Variants in CDH18 observed in about 807,000 individuals in gnomAD.
CDH18 encodes the protein cadherin 18.
Under a neutral mutation model 67.9 loss-of-function variants are expected in CDH18, and 31 were observed. That is an observed-to-expected ratio of 0.46 (90% confidence interval 0.34 to 0.62). The LOEUF is 0.62. Among genes scored for constraint, CDH18 ranks in the 20% least tolerant of loss-of-function variants. The pLI is 0.01. For missense variants in CDH18, 890 were observed against 975.5 expected (o/e 0.91, Z 1.17); for synonymous variants, 362 against 347.2 (o/e 1.04, Z -0.48).
intron 1 of CDH18, among the ~76,000 whole-genome samples, chr5:20,478,415 A>G (rs1287721791): frequency 6.6e-6 from 1 of 152,160 alleles, no homozygotes; most frequent in Admixed American, 6.5e-5. Flanking sequence ...ATTCATCACA[A>G]GCTGAATAAA....
At chr5:19,506,973 C>A (rs572031232) in intron 10 of CDH18, among the ~76,000 whole-genome samples, 1 of 152,146 alleles carries the variant, frequency 6.6e-6, no homozygotes, top group Non-Finnish European at 1.5e-5. Flanking sequence ...AGGCAACCTA[C>A]AGAATGGGAG....
At chr5:19,473,931 T>G (rs553604096) in intron 12 of CDH18, among the ~76,000 whole-genome samples, 1 of 152,108 alleles carries the variant, frequency 6.6e-6, no homozygotes, top group South Asian at 2.1e-4. Context: ...CCAGGAGACA[T>G]TGCGAATTGC....
intron 1 of CDH18, among the ~76,000 whole-genome samples, chr5:20,397,569 G>A (rs1359706348): frequency 6.6e-6 from 1 of 152,070 alleles, no homozygotes; most frequent in Non-Finnish European, 1.5e-5. Context: ...CAACTTAGGA[G>A]ACTGTTTACC....
At chr5:19,583,675 A>T (rs1561400257) in intron 7 of CDH18, among the ~76,000 whole-genome samples, 1 of 152,170 alleles carries the variant, frequency 6.6e-6, no homozygotes, top group Admixed American at 6.5e-5. Flanking sequence ...AGTAGTTATT[A>T]TTGAGGTAGT....
At chr5:19,916,945 A>T (rs1455863578) in intron 2 of CDH18, among the ~76,000 whole-genome samples, 1 of 152,196 alleles carries the variant, frequency 6.6e-6, no homozygotes, top group Admixed American at 6.5e-5. Flanking sequence ...TGATTTTATA[A>T]GCATTTTTGC....
intron 5 of CDH18, among the ~76,000 whole-genome samples, chr5:19,704,932 T>C (rs1763750372): frequency 1.3e-5 from 2 of 152,164 alleles, no homozygotes; most frequent in Non-Finnish European, 1.5e-5. Flanking sequence ...TTAATAGACA[T>C]AGATTTAAAA....
At chr5:19,938,522 A>C (rs557891372) in intron 2 of CDH18, among the ~76,000 whole-genome samples, 2 of 151,472 alleles carry the variant, frequency 1.3e-5, no homozygotes, top group Non-Finnish European at 3.0e-5. Flanking sequence ...ATATTACCAA[A>C]ATAAATCACA....
exon 1 of CDH18, chr5:20,575,563 A>T (rs1048376637): frequency 3.3e-5 from 5 of 152,106 alleles, no homozygotes; most frequent in Non-Finnish European, 7.4e-5. Flanking sequence ...ATGATGCAGG[A>T]GTAAGATGAG....
chr5:20,383,370 C>T (rs567834084), intron 1 of CDH18, among the ~76,000 whole-genome samples: 1 of 152,192 alleles, frequency 6.6e-6, no homozygotes, highest in South Asian at 2.1e-4. Context: ...GCTGGGAAAA[C>T]ATACTGAACA....
In CDH18 at chr5:20,201,003, T is replaced by C. The variant is rs1192338568; in HGVS notation, c.-518+54441A>G. Among the ~76,000 whole-genome samples, 7 of 152,252 alleles carry C rather than the reference T, an allele frequency of 4.6e-5. No individual in the cohort carries two copies. The South Asian group carries it at 1.2e-3, about 27-fold the overall frequency. ...TTGTATTATCTTCTTAAGGTTACTGTAAGAAAGTATCACAGAGTGATTTAA... is the reference window on the plus strand; with the variant it reads ...TTGTATTATCTTCTTAAGGTTACTGCAAGAAAGTATCACAGAGTGATTTAA... On this transcript the variant is annotated intron_variant, in intron 2 of 14. Coordinates refer to the CDH18 transcript ENST00000507958.
At chr5:20,186,105 A>G (rs1446631594) in intron 2 of CDH18, among the ~76,000 whole-genome samples, 1 of 152,016 alleles carries the variant, frequency 6.6e-6, no homozygotes, top group African/African-American at 2.4e-5. Context: ...CAAGCAAATA[A>G]AAATTGAATA....
intron 3 of CDH18, among the ~76,000 whole-genome samples, chr5:19,783,915 T>A (rs1775406256): frequency 6.6e-6 from 1 of 152,152 alleles, no homozygotes; most frequent in Non-Finnish European, 1.5e-5. Flanking sequence ...CCTGTATTAT[T>A]TACTGAATGC....
intron 2 of CDH18, among the ~76,000 whole-genome samples, chr5:20,022,717 T>C (rs1738537735): frequency 6.6e-6 from 1 of 152,162 alleles, no homozygotes; most frequent in Admixed American, 6.5e-5. Context: ...AATTCTAAAG[T>C]TTTGTACCAT....
intron 1 of CDH18, among the ~76,000 whole-genome samples, chr5:20,281,782 G>T (rs891553853): frequency 6.6e-6 from 1 of 152,108 alleles, no homozygotes; most frequent in African/African-American, 2.4e-5. Flanking sequence ...GGATGGCATT[G>T]AATCTATAAA....
chr5:19,906,561 T>C (rs1441785637), intron 2 of CDH18, among the ~76,000 whole-genome samples: 1 of 151,962 alleles, frequency 6.6e-6, no homozygotes, highest in Non-Finnish European at 1.5e-5. Flanking sequence ...TCTTCTTGGC[T>C]TCTTCTTATC....
intron 1 of CDH18, among the ~76,000 whole-genome samples, chr5:20,458,180 C>T (rs543217771): frequency 4.0e-4 from 61 of 152,258 alleles, no homozygotes; most frequent in African/African-American, 1.5e-3. Flanking sequence ...TGAAGGGCCA[C>T]AGTCATAGCT....
intron 2 of CDH18, among the ~76,000 whole-genome samples, chr5:20,144,943 A>C (rs995002337): frequency 5.9e-5 from 9 of 152,142 alleles, no homozygotes; most frequent in Admixed American, 2.0e-4. Context: ...GGAATGCCCC[A>C]AAATTGGCTA....
chr5:20,230,751 G>T (rs1742003673), intron 2 of CDH18, among the ~76,000 whole-genome samples: 1 of 151,964 alleles, frequency 6.6e-6, no homozygotes, highest in Non-Finnish European at 1.5e-5. Flanking sequence ...TGTTATTCTA[G>T]GTCTTCTAGA....
chr5:20,208,665 G>GT (rs1462212291), intron 2 of CDH18, among the ~76,000 whole-genome samples: 1 of 151,838 alleles, frequency 6.6e-6, no homozygotes, highest in South Asian at 2.1e-4. Flanking sequence ...TCTGAGCAAA[G>GT]TTTTTTTTGT....
Sources: gnomAD v4.1 joint callset for allele counts (sites outside exome capture counted in the v4.1 genomes callset) on GRCh38, gnomAD v4.1.1 for gene constraint, MANE v1.5 for transcripts, NCBI Gene and HGNC (gene_info 2026-07-23, HGNC 2026-07-21) for gene names.